Variants in AGBL3 observed in about 807,000 individuals in gnomAD.
The protein encoded by AGBL3 is AGBL carboxypeptidase 3.
A neutral mutation model predicts 94.5 loss-of-function variants in AGBL3; 68 were observed. That is an observed-to-expected ratio of 0.72 (90% CI 0.59 to 0.88). The LOEUF (loss-of-function observed/expected upper bound fraction) is 0.88. AGBL3 is among the 40% of genes least tolerant of loss of function. The pLI is 0.00. For missense variants in AGBL3, 934 were observed against 1,103.8 expected (o/e 0.85, Z 2.18); for synonymous variants, 354 against 370.7 (o/e 0.95, Z 0.52).
At chr7:135,121,724 A>G (rs1372813493) in intron 16 of AGBL3, among the ~76,000 whole-genome samples, 1 of 152,198 alleles carries the variant, frequency 6.6e-6, no homozygotes, top group East Asian at 1.9e-4. Context: ...TTCTCTCATC[A>G]GAACTGACTA....
At chr7:135,035,922 A>G (rs988489822) in intron 7 of AGBL3, among the ~76,000 whole-genome samples, 7 of 152,102 alleles carry the variant, frequency 4.6e-5, no homozygotes, top group Admixed American at 3.9e-4. Context: ...TAGTGGCTTT[A>G]TATCAATCTT....
At chr7:135,109,191 A>G (rs931645850) in intron 15 of AGBL3, among the ~76,000 whole-genome samples, 3 of 152,172 alleles carry the variant, frequency 2.0e-5, no homozygotes, top group Non-Finnish European at 2.9e-5. Context: ...TGTCATTTCA[A>G]CCAACTCAGG....
At chr7:135,036,685 G>A (rs1335873376) in intron 7 of AGBL3, among the ~76,000 whole-genome samples, 1 of 152,172 alleles carries the variant, frequency 6.6e-6, no homozygotes, top group African/African-American at 2.4e-5. Flanking sequence ...AGAAAGCTCT[G>A]TGGCCTTGAC....
At chr7:134,997,127 C>A (rs924356404) in intron 4 of AGBL3, among the ~76,000 whole-genome samples, 3 of 152,184 alleles carry the variant, frequency 2.0e-5, no homozygotes, top group Admixed American at 6.5e-5. Flanking sequence ...GAGCATCAGG[C>A]ATTAGTTAGA....
At chr7:134,988,046 T>C in intron 2 of AGBL3, 50 bp downstream of exon 2, 1 of 1,256,886 alleles carries the variant, frequency 8.0e-7, no homozygotes, top group Non-Finnish European at 1.1e-6. Context: ...TTGTATTATA[T>C]AAATCCCCAA....
chr7:135,040,010 A>G (rs1187327982), intron 8 of AGBL3, among the ~76,000 whole-genome samples: 1 of 152,114 alleles, frequency 6.6e-6, no homozygotes, highest in Non-Finnish European at 1.5e-5. Flanking sequence ...CAACTTACCA[A>G]TATCAAGAAT....
At chr7:135,096,041 A>G (rs1822618665) in intron 15 of AGBL3, among the ~76,000 whole-genome samples, 1 of 152,032 alleles carries the variant, frequency 6.6e-6, no homozygotes, top group African/African-American at 2.4e-5. Context: ...AGTCCCACCT[A>G]CTTGGGAAAC....
intron 4 of AGBL3, chr7:135,011,100 A>C (rs1000165672): frequency 1.3e-5 from 2 of 152,198 alleles, no homozygotes; most frequent in Non-Finnish European, 2.9e-5. Context: ...CAGGAATGGA[A>C]TAGAACAGAG....
chr7:135,032,931 T>G lies in AGBL3; in HGVS notation c.506T>G (p.Leu169Trp). 2 of 1,551,678 alleles carry G rather than the reference T, an allele frequency of 1.3e-6. No individual in the cohort carries two copies. Among genetic ancestry groups the G allele is most frequent in the Non-Finnish European group, 1.7e-6 (2 of 1,146,810 alleles). The change falls in exon 6 of 17, where the codon TTG becomes TGG. Residue 169 changes from leucine (L) to tryptophan (W), a missense_variant. Physicochemically the swap from Leu to Trp is moderately conservative, Grantham distance 61. Coordinates refer to ENST00000436302, the MANE Select transcript of AGBL3 (RefSeq NM_178563.4). ...KQPVDYRDNTLMFEARFESGN... is the reference protein window; with the variant it reads ...KQPVDYRDNTWMFEARFESGN... ...CCTGTGGATTACCGTGACAATACTT[T>G]GATGTTTGAAGCAAGGTTTGAGAGT...
chr7:135,115,731 A>C (rs1467743990), intron 16 of AGBL3, 120 bp downstream of exon 16: 1 of 812,570 alleles, frequency 1.2e-6, no homozygotes, highest in Non-Finnish European at 1.9e-6. Context: ...TGTCAGCTCC[A>C]TCACATTTGG....
chr7:135,108,541 T>C (rs538719836), intron 15 of AGBL3, among the ~76,000 whole-genome samples: 1 of 152,296 alleles, frequency 6.6e-6, no homozygotes, highest in Non-Finnish European at 1.5e-5. Context: ...GCCCCCAATC[T>C]CTTCTGGCTT....
intron 4 of AGBL3, among the ~76,000 whole-genome samples, chr7:135,001,386 T>G (rs1205239201): frequency 6.6e-6 from 1 of 152,216 alleles, no homozygotes; most frequent in Non-Finnish European, 1.5e-5. Context: ...TAAAGGACCC[T>G]GACCCTTTTC....
At chr7:134,992,061 CT>C (rs1360986505) in intron 3 of AGBL3, among the ~76,000 whole-genome samples, 1 of 152,172 alleles carries the variant, frequency 6.6e-6, no homozygotes, top group Non-Finnish European at 1.5e-5. Context: ...GAGAGAAGGC[CT>C]TTATAAGACT....
At chr7:135,077,898 C>T (rs768094049) in intron 13 of AGBL3, among the ~76,000 whole-genome samples, 8 of 152,130 alleles carry the variant, frequency 5.3e-5, no homozygotes, top group Non-Finnish European at 1.0e-4. Flanking sequence ...TGGCTGCAAC[C>T]AATTATTATT....
At chr7:135,104,809 C>A (rs1041850512) in intron 15 of AGBL3, among the ~76,000 whole-genome samples, 2 of 148,882 alleles carry the variant, frequency 1.3e-5, no homozygotes, top group African/African-American at 4.9e-5. Flanking sequence ...TGTTTAAGTT[C>A]TTTATAGATG....
chr7:135,012,930 AAATT>A (rs1813337464), intron 4 of AGBL3, among the ~76,000 whole-genome samples: 1 of 152,162 alleles, frequency 6.6e-6, no homozygotes, highest in Non-Finnish European at 1.5e-5. Flanking sequence ...AAACAATGAA[AAATT>A]AATAAAGTTG....
At chr7:135,025,902 C>A (rs1174294003) in intron 5 of AGBL3, among the ~76,000 whole-genome samples, 1 of 82,790 alleles carries the variant, frequency 1.2e-5, no homozygotes, top group East Asian at 6.2e-4. Context: ...TATATATAAA[C>A]CCAACAATGG....
rs998810279 is a variant in AGBL3 at position 134,993,657 on chromosome 7, G to A, written c.289G>A (p.Asp97Asn). 9.0e-6 allele frequency: 14 copies of A among 1,550,268 alleles called. No individual in the cohort carries two copies. The Admixed American group carries it at 9.9e-5, about 11-fold the overall frequency. The change falls in exon 4 of 17, where the codon GAT (aspartate) becomes AAT (asparagine). Residue 97 changes from aspartate (D) to asparagine (N), a missense_variant. This residue lies in a region of AGBL3 where 488 missense variants were observed against 563.6 expected (regional missense o/e 0.87). Transcript: ENST00000436302. Reference sequence around the variant, plus strand: ...GTGGCCATACCATTGTGAAGTCATCGATGAAAAAGTCCAGCATATTGGTAT... The same window carrying A: ...GTGGCCATACCATTGTGAAGTCATCAATGAAAAAGTCCAGCATATTGGTAT... Reference protein sequence around the residue: ...TRWPYHCEVIDEKVQHIDWTP... With the variant: ...TRWPYHCEVINEKVQHIDWTP...
chr7:135,102,866 G>A (rs1824062003), intron 15 of AGBL3, among the ~76,000 whole-genome samples: 1 of 151,988 alleles, frequency 6.6e-6, no homozygotes, highest in Non-Finnish European at 1.5e-5. Flanking sequence ...CTTGGAATAA[G>A]AAAAGACTCC....
Sources: gnomAD v4.1 joint callset for allele counts (sites outside exome capture counted in the v4.1 genomes callset) on GRCh38, gnomAD v4.1.1 for gene constraint, gnomAD v4.1.1 regional missense constraint, MANE v1.5 for transcripts, NCBI Gene and HGNC (gene_info 2026-07-23, HGNC 2026-07-21) for gene names.